The following EPSTI1 variants were observed in gnomAD, a reference collection of about 807,000 sequenced individuals.
EPSTI1 encodes the protein epithelial stromal interaction 1.
In EPSTI1, 66 loss-of-function variants were observed where a neutral mutation model predicts 49.9. The observed-to-expected ratio is 1.32, with a 90% CI of 1.08 to 1.62. The LOEUF (loss-of-function observed/expected upper bound fraction) is 1.62, where lower values mean the gene tolerates loss of function less well. EPSTI1 is among the 40% of genes most tolerant of loss of function. EPSTI1 has a pLI of 0.00. For synonymous variants in EPSTI1, 137 were observed against 130.7 expected (o/e 1.05, Z -0.33); for missense variants, 394 against 365.5 (o/e 1.08, Z -0.64).
intron 8 of EPSTI1, among the ~76,000 whole-genome samples, chr13:42,914,823 A>G (rs1315172104): frequency 6.6e-6 from 1 of 152,206 alleles, no homozygotes; most frequent in Non-Finnish European, 1.5e-5. Context: ...TATTTCTGAC[A>G]AAAAAAGGAA....
chr13:42,907,188 CTA>C (rs1287504794), intron 8 of EPSTI1, among the ~76,000 whole-genome samples: 18 of 152,320 alleles, frequency 1.2e-4, no homozygotes, highest in Admixed American at 3.3e-4. Flanking sequence ...AATCACAGCT[CTA>C]TGTCTCCCAC....
At chr13:42,964,001 G>T in intron 4 of EPSTI1, 65 bp downstream of exon 4, 2 of 1,380,650 alleles carry the variant, frequency 1.4e-6, no homozygotes, top group Non-Finnish European at 2.0e-6. Context: ...TTATTTCACA[G>T]TTACTTGTAA....
chr13:42,889,138 A>T, intron 10 of EPSTI1: 1 of 1,224,984 alleles, frequency 8.2e-7, no homozygotes, highest in Non-Finnish European at 1.2e-6. Flanking sequence ...TAGAGTTTCC[A>T]CAGCATCCCA....
chr13:42,955,874 A>AT (rs146580726), intron 5 of EPSTI1, among the ~76,000 whole-genome samples: 23,261 of 50,758 alleles, frequency 0.46, 4,425 homozygotes, highest in African/African-American at 0.6. Flanking sequence ...ATGAAGAAGT[A>AT]TTTGGGGGGG....
chr13:42,937,682 CTTCTAA>C (rs1469395114), intron 6 of EPSTI1, among the ~76,000 whole-genome samples: 3 of 152,196 alleles, frequency 2.0e-5, no homozygotes, highest in African/African-American at 7.2e-5. Context: ...TCAGGCTCCA[CTTCTAA>C]TTCTAGTTCT....
chr13:42,952,936 G>A (rs1424149262), intron 6 of EPSTI1, among the ~76,000 whole-genome samples: 1 of 152,142 alleles, frequency 6.6e-6, no homozygotes, highest in Non-Finnish European at 1.5e-5. Context: ...ATATGTTGGA[G>A]GCTGTCACAA....
Position 42,888,446 on chromosome 13 carries a change from G to A in EPSTI1, c.*48C>T, listed in dbSNP as rs1265927200. 6.2e-7 allele frequency: 1 copy of A among 1,613,954 alleles called. No homozygotes were observed. Among genetic ancestry groups the A allele is most frequent in the Admixed American group, 1.7e-5 (1 of 60,024 alleles). ...CACATTAAGAAAAAGCATCTCATGA[G>A]GCTTTTCGAGGTCAGTTGATGAAGG... On this transcript the variant is annotated 3_prime_UTR_variant, in exon 11 of 11. Coordinates refer to ENST00000313624, the MANE Select transcript of EPSTI1 (RefSeq NM_033255.5).
intron 7 of EPSTI1, among the ~76,000 whole-genome samples, chr13:42,921,570 G>A (rs976119111): frequency 1.6e-4 from 24 of 152,168 alleles, no homozygotes; most frequent in African/African-American, 5.3e-4. Context: ...AACATGGGAA[G>A]GCAATAAAAG....
chr13:42,914,153 A>G (rs909714036), intron 8 of EPSTI1, among the ~76,000 whole-genome samples: 8 of 152,188 alleles, frequency 5.3e-5, no homozygotes, highest in Non-Finnish European at 1.2e-4. Flanking sequence ...GACTAATACA[A>G]TTAGTTACTA....
chr13:42,889,208 C>T lies in EPSTI1; in HGVS notation c.916-706G>A, dbSNP rs765054633. The T allele has an allele frequency of 1.1e-5, 18 of 1,573,396 alleles. No homozygotes were observed. The East Asian group carries it at 3.4e-4, about 30-fold the overall frequency. ...TTTAAAGGGATGTTTTTAAGTGACCCACCTTAGGTGCCTCGAAAAAACTAA... is the reference window on the plus strand; with the variant it reads ...TTTAAAGGGATGTTTTTAAGTGACCTACCTTAGGTGCCTCGAAAAAACTAA... On this transcript the variant is annotated intron_variant, in intron 10 of 10. Coordinates refer to ENST00000313624, the MANE Select transcript of EPSTI1 (RefSeq NM_033255.5).
chr13:42,954,110 G>T, intron 5 of EPSTI1, 89 bp from the exon 6 acceptor site: 1 of 1,069,264 alleles, frequency 9.4e-7, no homozygotes, highest in Non-Finnish European at 1.4e-6. Context: ...AAAATCCTAA[G>T]GTTCAACTGG....
intron 1 of EPSTI1, among the ~76,000 whole-genome samples, chr13:42,981,730 T>C (rs774434919): frequency 6.6e-6 from 1 of 152,232 alleles, no homozygotes; most frequent in Non-Finnish European, 1.5e-5. Flanking sequence ...TTTCAAACTG[T>C]AGGAGGTAAC....
rs145204967 is a variant in EPSTI1, at chr13:42,888,168, C to G, written c.*326G>C. The G allele has an allele frequency of 2.7e-6, 4 of 1,500,592 alleles. No homozygotes were observed. In the African/African-American group the frequency reaches 4.2e-5, roughly 16 times the overall value. 93.0% of individuals were successfully genotyped at this position (1,500,592 alleles called of 1,614,324 possible). A position where few individuals can be genotyped will look rare whatever the true frequency, so the allele number is the denominator to read the frequency against. On this transcript the variant is annotated 3_prime_UTR_variant, in exon 11 of 11. Coordinates refer to ENST00000313624, the MANE Select transcript of EPSTI1 (RefSeq NM_033255.5). ...CACTTAGAAAGACAAGCCTGTAGCA[C>G]CCATAGCTCTGATTAACCTGAAAGC...
intron 1 of EPSTI1, among the ~76,000 whole-genome samples, chr13:42,985,066 G>A (rs964371531): frequency 1.3e-5 from 2 of 152,198 alleles, no homozygotes; most frequent in African/African-American, 4.8e-5. Flanking sequence ...AAGGATGAAA[G>A]TGGGAGCAGG....
chr13:42,985,525 T>C (rs2153436447), intron 1 of EPSTI1, among the ~76,000 whole-genome samples: 1 of 152,328 alleles, frequency 6.6e-6, no homozygotes, highest in South Asian at 2.1e-4. Context: ...GACCTCATTT[T>C]GAGTCTGACA....
chr13:42,907,588 G>A (rs575120617), intron 8 of EPSTI1, among the ~76,000 whole-genome samples: 2 of 152,260 alleles, frequency 1.3e-5, no homozygotes, highest in East Asian at 3.9e-4. Flanking sequence ...TAGTACTTCA[G>A]TGTTTGTGGT....
intron 6 of EPSTI1, among the ~76,000 whole-genome samples, chr13:42,943,133 T>A (rs1282448398): frequency 6.6e-6 from 1 of 152,260 alleles, no homozygotes; most frequent in African/African-American, 2.4e-5. Flanking sequence ...ATGTAATTTT[T>A]AAAATACGGC....
chr13:42,969,024 T>G (rs911800406), intron 3 of EPSTI1, 70 bp downstream of exon 3: 1 of 1,458,624 alleles, frequency 6.9e-7, no homozygotes, highest in Non-Finnish European at 9.6e-7. Flanking sequence ...GACAGACATA[T>G]GCAAGCTGCT....
At chr13:42,900,059 G>A (rs1594613272) in intron 9 of EPSTI1, among the ~76,000 whole-genome samples, 1 of 152,096 alleles carries the variant, frequency 6.6e-6, no homozygotes, top group East Asian at 1.9e-4. Flanking sequence ...ACATGAGTCA[G>A]TTTTCTAATG....
Sources: allele counts gnomAD v4.1 joint callset (sites outside exome capture counted in the v4.1 genomes callset), GRCh38; gene constraint gnomAD v4.1.1; transcripts MANE v1.5; gene names NCBI Gene and HGNC (gene_info 2026-07-23, HGNC 2026-07-21).